RECQL: variants seen among roughly 807,000 people sequenced by gnomAD.
RECQL encodes RecQ like helicase.
Under a neutral mutation model 75.8 loss-of-function variants are expected in RECQL, and 73 were observed. That is an observed-to-expected ratio of 0.96 (90% CI 0.80 to 1.17). The LOEUF is 1.17. Ranked by LOEUF, RECQL falls within the 50% of genes most tolerant of loss-of-function variation. The probability of loss-of-function intolerance (pLI) is 0.00; values close to 1 mark genes in which losing one functional copy is unlikely to be tolerated. For missense variants in RECQL, 699 were observed against 772.1 expected (o/e 0.91, Z 1.12); for synonymous variants, 248 against 254.4 (o/e 0.97, Z 0.24).
intron 2 of RECQL, among the ~76,000 whole-genome samples, chr12:21,492,925 C>T (rs1435467296): frequency 6.6e-6 from 1 of 152,214 alleles, no homozygotes; most frequent in Non-Finnish European, 1.5e-5. Flanking sequence ...CCAGCTCATC[C>T]ATACCCTCCC....
intron 6 of RECQL, among the ~76,000 whole-genome samples, chr12:21,482,141 A>C (rs1302534128): frequency 6.6e-6 from 1 of 152,096 alleles, no homozygotes; most frequent in African/African-American, 2.4e-5. Flanking sequence ...GGGAGAGGAC[A>C]AAAGAGCCTG....
chr12:21,471,490 G>A lies in RECQL; in HGVS notation c.1605C>T (p.Pro535=), dbSNP rs746130237. The change falls in exon 13 of 15, where the codon CCC becomes CCT. Residue 535 remains proline, a synonymous_variant. Coordinates refer to ENST00000444129, the MANE Select transcript of RECQL (RefSeq NM_002907.4). ...AKLRVAGVVA[P]TLPREDLEKI... ...TCTCCAGATCTTCACGAGGAAGTGT[G>A]GGAGCCACAACACCTGCTACTCTCA... 6.2e-7 allele frequency: 1 copy of A among 1,613,180 alleles called. No homozygotes were observed. The highest frequency in any genetic ancestry group is 1.1e-5 in the South Asian group (1 of 91,024).
intron 2 of RECQL, among the ~76,000 whole-genome samples, chr12:21,494,016 T>C (rs1943459611): frequency 6.6e-6 from 1 of 152,236 alleles, no homozygotes; most frequent in South Asian, 2.1e-4. Flanking sequence ...CTTATGGTTC[T>C]GTAGGCTATA....
intron 2 of RECQL, among the ~76,000 whole-genome samples, chr12:21,495,511 G>A (rs372355406): frequency 3.9e-5 from 6 of 152,180 alleles, no homozygotes; most frequent in Middle Eastern, 3.4e-3. Context: ...CAGGAGAATG[G>A]TGTGAACCCG....
chr12:21,481,043 C>T (rs1433795628), intron 6 of RECQL, among the ~76,000 whole-genome samples: 4 of 152,116 alleles, frequency 2.6e-5, no homozygotes, highest in Non-Finnish European at 2.9e-5. Context: ...TCTCTCTGTT[C>T]AAATAACTGT....
chr12:21,477,100 TC>T, intron 7 of RECQL, 108 bp from the exon 8 acceptor site: 1 of 666,218 alleles, frequency 1.5e-6, no homozygotes. Flanking sequence ...GTGTTTTTTT[TC>T]CTATTACTCT....
chr12:21,491,489 A>C (rs769402548), intron 3 of RECQL, 30 bp downstream of exon 3: 1 of 1,538,372 alleles, frequency 6.5e-7, no homozygotes, highest in Non-Finnish European at 8.7e-7. Flanking sequence ...AAGAAATAAA[A>C]CTAGCAAAAA....
At position 21,475,792 on chromosome 12, in the gene RECQL, CAG is replaced by C. The variant is rs1943075507; in HGVS notation, c.980_981del (p.Ser327Ter). On this transcript the variant is annotated frameshift_variant, in exon 9 of 15. Transcript: ENST00000444129. LOFTEE classifies it high-confidence loss of function. ...GIIYCFSQKD[S>X]EQVTVSLQNL... ...TTCTGCAAACTAACCGTAACTTGTT[CAG>C]AGTCTTTCTGAGAAAAACAATATAT... is the stretch of plus-strand genomic sequence containing the variant. 5 of 1,612,830 alleles carry C rather than the reference CAG, an allele frequency of 3.1e-6. No homozygotes were observed. The highest frequency in any genetic ancestry group is 1.3e-5 in the African/African-American group (1 of 74,878).
intron 4 of RECQL, among the ~76,000 whole-genome samples, chr12:21,488,696 C>G (rs1431420216): frequency 6.6e-6 from 1 of 152,126 alleles, no homozygotes; most frequent in Non-Finnish European, 1.5e-5. Flanking sequence ...CTTCTTTCTC[C>G]TTTCCCCCCA....
At position 21,476,924 on chromosome 12, in the gene RECQL, G is replaced by C. The variant is rs1328688496; in HGVS notation, c.936C>G (p.Tyr312Ter). 1.2e-6 allele frequency: 2 copies of C among 1,606,144 alleles called. No individual in the cohort carries two copies. Among genetic ancestry groups the C allele is most frequent in the African/African-American group, 1.3e-5 (1 of 74,550 alleles). ...TTTTTACATTACCTGATTGCCCTTT[G>C]TATCTCCCATTAATGAGCTTTACAA... ...EDIVKLINGR[Y>*]KGQSGIIYCF... Residue 312 changes from tyrosine (Y) to a stop codon, truncating the protein, a stop_gained, in exon 8 of 15, where the codon TAC becomes TAG. Transcript: ENST00000444129. LOFTEE classifies it high-confidence loss of function.
chr12:21,495,595 A>G (rs1943492479), intron 2 of RECQL, among the ~76,000 whole-genome samples: 1 of 150,778 alleles, frequency 6.6e-6, no homozygotes, highest in South Asian at 2.1e-4. Context: ...ACTCCGTCCA[A>G]AAAAAAAAGA....
At chr12:21,478,363 A>G (rs1025917241) in intron 6 of RECQL, among the ~76,000 whole-genome samples, 4 of 152,190 alleles carry the variant, frequency 2.6e-5, no homozygotes, top group Non-Finnish European at 5.9e-5. Flanking sequence ...TGTTATAAGC[A>G]TCTACATCAC....
intron 8 of RECQL, among the ~76,000 whole-genome samples, chr12:21,476,181 T>C (rs934154363): frequency 3.3e-5 from 5 of 152,040 alleles, no homozygotes; most frequent in Non-Finnish European, 2.9e-5. Flanking sequence ...TTTAGATTAA[T>C]TTGCATGCAA....
At chr12:21,473,118 C>A (rs1040497750) in intron 12 of RECQL, among the ~76,000 whole-genome samples, 6 of 152,102 alleles carry the variant, frequency 3.9e-5, no homozygotes, top group African/African-American at 1.4e-4. Context: ...TAATACTTCT[C>A]TCATGTCCCA....
At chr12:21,483,309 A>C (rs1943226153) in intron 6 of RECQL, 67 bp downstream of exon 6, 2 of 1,009,762 alleles carry the variant, frequency 2.0e-6, no homozygotes, top group Non-Finnish European at 3.0e-6. Context: ...AGAGATTTCC[A>C]TCATGCCAAG....
In RECQL at chr12:21,491,499, A is replaced by G; in HGVS notation, c.214+20T>C. Reference sequence around the variant, plus strand: ...ATGAGAAGAAATAAAACTAGCAAAAAAAAAAAAAAAAAAGTTAACCTTCTT... The same window carrying G: ...ATGAGAAGAAATAAAACTAGCAAAAGAAAAAAAAAAAAAGTTAACCTTCTT... On this transcript the variant is annotated intron_variant, in intron 3 of 14. Coordinates refer to ENST00000444129, the MANE Select transcript of RECQL (RefSeq NM_002907.4). The G allele has an allele frequency of 6.5e-7, 1 of 1,545,102 alleles. No individual in the cohort carries two copies. The highest frequency in any genetic ancestry group is 1.2e-5 in the South Asian group (1 of 80,328).
At chr12:21,481,754 A>G (rs1474619574) in intron 6 of RECQL, among the ~76,000 whole-genome samples, 1 of 152,178 alleles carries the variant, frequency 6.6e-6, no homozygotes, top group African/African-American at 2.4e-5. Context: ...AACCCTAGGG[A>G]ACACTAATAT....
chr12:21,479,928 A>G (rs770812478), intron 6 of RECQL, among the ~76,000 whole-genome samples: 3 of 152,240 alleles, frequency 2.0e-5, no homozygotes, highest in Non-Finnish European at 4.4e-5. Flanking sequence ...CCATTCATCA[A>G]TAGATAAATG....
At chr12:21,471,173 T>C (rs1942949146) in intron 13 of RECQL, 75 bp from the exon 14 acceptor site, 2 of 1,368,854 alleles carry the variant, frequency 1.5e-6, no homozygotes, top group African/African-American at 3.0e-5. Context: ...AAGAAATAAC[T>C]ATATGCGCAG....
Sources: allele counts gnomAD v4.1 joint callset (sites outside exome capture counted in the v4.1 genomes callset), GRCh38; gene constraint gnomAD v4.1.1; transcripts MANE v1.5; gene names NCBI Gene and HGNC (gene_info 2026-07-23, HGNC 2026-07-21).